The following LRRTM4 variants were observed in gnomAD, a reference collection of about 807,000 sequenced individuals.
The protein encoded by LRRTM4 is leucine rich repeat transmembrane neuronal 4, also known as leucine-rich repeat transmembrane neuronal protein 4.
LRRTM4 carries 25 observed loss-of-function variants against 47.6 expected under a neutral mutation model. That is an observed-to-expected ratio of 0.53 (90% CI 0.38 to 0.73). The LOEUF (loss-of-function observed/expected upper bound fraction) is 0.73. Among genes scored for constraint, LRRTM4 ranks in the 30% least tolerant of loss-of-function variants. The pLI is 0.00. For missense variants in LRRTM4, 638 were observed against 713.4 expected, an observed-to-expected ratio of 0.89 and a Z score of 1.20; for synonymous variants, 311 against 269.5, an observed-to-expected ratio of 1.15 and a Z score of -1.51.
chr2:76,925,674 A>G, intron 3 of LRRTM4, among the ~76,000 whole-genome samples: 1 of 152,060 alleles, frequency 6.6e-6, no homozygotes, highest in East Asian at 1.9e-4. Context: ...TACCTGTTTT[A>G]TTAGGTTCCT....
At chr2:76,987,989 T>G (rs141934256) in intron 3 of LRRTM4, among the ~76,000 whole-genome samples, 9 of 152,066 alleles carry the variant, frequency 5.9e-5, no homozygotes, top group Middle Eastern at 3.4e-3. Flanking sequence ...GGGTAAATGC[T>G]TTAAAAACTT....
At chr2:76,911,854 CTGTGTG>C (rs575835660) in intron 3 of LRRTM4, among the ~76,000 whole-genome samples, 3 of 143,886 alleles carry the variant, frequency 2.1e-5, no homozygotes, top group Non-Finnish European at 4.5e-5. Context: ...TTGTGTGTGT[CTGTGTG>C]TGTGTGTGTA....
intron 3 of LRRTM4, among the ~76,000 whole-genome samples, chr2:76,974,650 T>A (rs1319173022): frequency 6.6e-6 from 1 of 151,696 alleles, no homozygotes; most frequent in African/African-American, 2.4e-5. Context: ...CTACAAAGGA[T>A]ATATTTTTCA....
rs146945095 is a variant in LRRTM4, at chr2:76,807,870, C to T, written c.1552-58954G>A. Among the ~76,000 whole-genome samples, 302 of 151,826 alleles carry T rather than the reference C, an allele frequency of 2.0e-3. 2 individuals carry two copies. Among genetic ancestry groups the T allele is most frequent in the Middle Eastern group, 0.017 (5 of 294 alleles). ...TGCTGGGATTACAGGTGTGAGCCACCGCACCCGGCCTATTTTCTTTTCTTC... is the reference window on the plus strand; with the variant it reads ...TGCTGGGATTACAGGTGTGAGCCACTGCACCCGGCCTATTTTCTTTTCTTC... On this transcript the variant is annotated intron_variant, in intron 3 of 3. Coordinates refer to ENST00000409884, the MANE Select transcript of LRRTM4 (RefSeq NM_001134745.3).
chr2:76,798,054 C>T (rs1049048026), intron 3 of LRRTM4, among the ~76,000 whole-genome samples: 1 of 150,070 alleles, frequency 6.7e-6, no homozygotes, highest in East Asian at 1.9e-4. Flanking sequence ...GACAGAAAGT[C>T]AACAAGGATA....
At chr2:77,151,051 G>A (rs2103784662) in intron 3 of LRRTM4, among the ~76,000 whole-genome samples, 1 of 152,136 alleles carries the variant, frequency 6.6e-6, no homozygotes, top group African/African-American at 2.4e-5. Flanking sequence ...TGGTAAGTTT[G>A]GACATGTGCA....
At chr2:77,194,021 A>G (rs1673747051) in intron 3 of LRRTM4, among the ~76,000 whole-genome samples, 1 of 152,190 alleles carries the variant, frequency 6.6e-6, no homozygotes. Flanking sequence ...GGCATCACCC[A>G]TACATCTTCC....
At chr2:76,941,334 C>T (rs1424183454) in intron 3 of LRRTM4, among the ~76,000 whole-genome samples, 5 of 151,998 alleles carry the variant, frequency 3.3e-5, no homozygotes, top group African/African-American at 7.2e-5. Flanking sequence ...TTAAATTATA[C>T]TTTAAGTTCT....
intron 3 of LRRTM4, among the ~76,000 whole-genome samples, chr2:77,135,256 C>A (rs577173807): frequency 3.3e-5 from 5 of 152,206 alleles, no homozygotes; most frequent in Non-Finnish European, 5.9e-5. Context: ...GGGTTCTCTG[C>A]ATGCGGCAGA....
chr2:77,209,084 C>T (rs1161786291), intron 3 of LRRTM4, among the ~76,000 whole-genome samples: 8 of 152,160 alleles, frequency 5.3e-5, no homozygotes, highest in Non-Finnish European at 1.0e-4. Flanking sequence ...GCTCTCTCCT[C>T]ACATGGCTCC....
At chr2:77,085,341 G>A (rs1233315172) in intron 3 of LRRTM4, among the ~76,000 whole-genome samples, 7 of 149,288 alleles carry the variant, frequency 4.7e-5, no homozygotes, top group Non-Finnish European at 7.4e-5. Context: ...ATTGTTTGAA[G>A]AGTTGAAAGA....
chr2:77,049,538 T>C (rs940515860), intron 3 of LRRTM4, among the ~76,000 whole-genome samples: 2 of 152,018 alleles, frequency 1.3e-5, no homozygotes, highest in Non-Finnish European at 2.9e-5. Flanking sequence ...ATTTCTCTGA[T>C]GATTATTGAT....
chr2:76,796,407 A>C (rs1675329087), intron 3 of LRRTM4, among the ~76,000 whole-genome samples: 1 of 131,954 alleles, frequency 7.6e-6, no homozygotes, highest in African/African-American at 3.0e-5. Flanking sequence ...CTGCAGACTT[A>C]AATGTCCCTG....
intron 3 of LRRTM4, among the ~76,000 whole-genome samples, chr2:76,811,197 A>G (rs1375592959): frequency 6.6e-6 from 1 of 152,192 alleles, no homozygotes; most frequent in African/African-American, 2.4e-5. Context: ...GGTTATTACT[A>G]ACATGCTTAA....
intron 3 of LRRTM4, among the ~76,000 whole-genome samples, chr2:77,037,393 T>C (rs985266843): frequency 2.6e-5 from 4 of 151,742 alleles, no homozygotes; most frequent in African/African-American, 9.7e-5. Context: ...CCACAATCTC[T>C]GTGGGTCACT....
At chr2:76,915,669 C>G (rs533886967) in intron 3 of LRRTM4, among the ~76,000 whole-genome samples, 2 of 152,080 alleles carry the variant, frequency 1.3e-5, no homozygotes, top group African/African-American at 4.8e-5. Flanking sequence ...CTATCTTCAC[C>G]ATCTCAAATT....
At chr2:76,965,343 A>C (rs1675987824) in intron 3 of LRRTM4, among the ~76,000 whole-genome samples, 1 of 151,316 alleles carries the variant, frequency 6.6e-6, no homozygotes, top group Non-Finnish European at 1.5e-5. Context: ...TGTAGAAAGA[A>C]TTATACACCA....
Position 77,116,218 on chromosome 2 carries a change from ACAAC to A in LRRTM4, c.1552-367306_1552-367303del, listed in dbSNP as rs368258375. ...AATTAATATACTGAATTCTGAATGA[ACAAC>A]CAAAGGTGGTGTAATTAAACGCAAT... On this transcript the variant is annotated intron_variant, in intron 3 of 3. Transcript: ENST00000409884. Among the ~76,000 whole-genome samples the A allele has an allele frequency of 3.6e-3, 542 of 152,260 alleles. 1 individual carries two copies. Among genetic ancestry groups the A allele is most frequent in the Middle Eastern group, 0.014 (4 of 294 alleles).
chr2:76,839,496 C>T (rs773907186), intron 3 of LRRTM4, among the ~76,000 whole-genome samples: 1 of 152,024 alleles, frequency 6.6e-6, no homozygotes, highest in Non-Finnish European at 1.5e-5. Flanking sequence ...TTCTTTGTAG[C>T]TAAATATTTA....
Sources: allele counts gnomAD v4.1 joint callset (sites outside exome capture counted in the v4.1 genomes callset), GRCh38; gene constraint gnomAD v4.1.1; transcripts MANE v1.5; gene names NCBI Gene and HGNC (gene_info 2026-07-23, HGNC 2026-07-21).